Variants in SHH observed in about 807,000 individuals in gnomAD.
SHH encodes sonic hedgehog signaling molecule, also known as sonic hedgehog protein.
A neutral mutation model predicts 16.6 loss-of-function variants in SHH; 3 were observed. That is an observed-to-expected ratio of 0.18 (90% CI 0.08 to 0.47). The LOEUF is 0.47. SHH is among the 20% of genes least tolerant of loss of function. The pLI, the probability that SHH is intolerant of heterozygous loss-of-function variation, is 0.98. For synonymous variants in SHH, 351 were observed against 316.2 expected, an observed-to-expected ratio of 1.11 and a Z score of -1.17; for missense variants, 499 against 665.0, an observed-to-expected ratio of 0.75 and a Z score of 2.75.
chr7:155,812,318 C>T lies in SHH; in HGVS notation c.-196G>A. On this transcript the variant is annotated 5_prime_UTR_variant, in exon 1 of 3. Transcript: ENST00000297261. The stretch of plus-strand genomic sequence containing the variant: ...CCTTGCCCGCCGCGGCTGCGGGGGA[C>T]TCTCCACCGCTCCCCACCCAGACAG... 1 of 622,330 alleles carries T rather than the reference C, an allele frequency of 1.6e-6. No individual in the cohort carries two copies. Among genetic ancestry groups the T allele is most frequent in the Non-Finnish European group, 2.9e-6 (1 of 345,366 alleles). 38.6% of individuals were successfully genotyped at this position (622,330 alleles called of 1,614,324 possible).
At chr7:155,806,607 C>G (rs773114779) in intron 1 of SHH, 50 bp from the exon 2 acceptor site, 3 of 1,608,496 alleles carry the variant, frequency 1.9e-6, no homozygotes, top group Non-Finnish European at 2.5e-6. Flanking sequence ...CCTGGGCAAC[C>G]GCCACCCCTC....
Position 155,802,968 on chromosome 7 carries a change from G to C in SHH, c.1321C>G (p.Gln441Glu). The C allele has an allele frequency of 6.5e-7, 1 of 1,545,660 alleles. No homozygotes were observed. Among genetic ancestry groups the C allele is most frequent in the Non-Finnish European group, 8.7e-7 (1 of 1,145,224 alleles). ...GIHWYSQLLY[Q>E]IGTWLLDSEA... The stretch of plus-strand genomic sequence containing the variant: ...CTGTCCAGGAGCCAGGTGCCTATTT[G>C]GTAGAGCAGCTGCGAGTACCAGTGG... Residue 441 changes from glutamine to glutamate, a missense_variant, in exon 3 of 3, where the codon CAA becomes GAA. Physicochemically the swap from Gln to Glu is conservative, Grantham distance 29. Transcript: ENST00000297261.
In SHH at chr7:155,802,618, A is replaced by G; in HGVS notation, c.*282T>C. The G allele has an allele frequency of 3.2e-6, 1 of 309,992 alleles. No individual in the cohort carries two copies. Among genetic ancestry groups the G allele is most frequent in the Non-Finnish European group, 5.9e-6 (1 of 170,542 alleles). 19.2% of individuals were successfully genotyped at this position (309,992 alleles called of 1,614,324 possible). ...CCGGTTCATATTATTTAAAACATCT[A>G]TTCATACCAAACAAATAAATAGCCA... On this transcript the variant is annotated 3_prime_UTR_variant, in exon 3 of 3. Coordinates refer to ENST00000297261, the MANE Select transcript of SHH (RefSeq NM_000193.4).
rs762615770 is a variant in SHH at position 155,803,009 on chromosome 7, C to A, written c.1280G>T (p.Gly427Val). 3 of 1,539,534 alleles carry A rather than the reference C, an allele frequency of 1.9e-6. No homozygotes were observed. The highest frequency in any genetic ancestry group is 2.6e-6 in the Non-Finnish European group (3 of 1,143,202). Residue 427 changes from glycine (G) to valine (V), a missense_variant, in exon 3 of 3, where the codon GGG (glycine) becomes GTG (valine). Around this residue, in one of 4 missense-constraint regions of SHH, gnomAD observed 299 missense variants for 301.1 expected, o/e 0.99. Transcript: ENST00000297261. ...GTACCAGTGGATGCCCGCGGTGGCC[C>A]CCGCACCCGGAGCGTCGGCAGCACC... ...APGAADAPGA[G>V]ATAGIHWYSQ...
At chr7:155,804,034 C>T (rs952059771) in intron 2 of SHH, among the ~76,000 whole-genome samples, 4 of 152,236 alleles carry the variant, frequency 2.6e-5, no homozygotes, top group Admixed American at 1.3e-4. Flanking sequence ...TCCTCCAACC[C>T]CACCCCCAGC....
intron 2 of SHH, among the ~76,000 whole-genome samples, chr7:155,804,385 G>A (rs1164224127): frequency 1.3e-5 from 2 of 152,202 alleles, no homozygotes; most frequent in African/African-American, 4.8e-5. Flanking sequence ...TCCGAGGCTT[G>A]TGTGGATTTT....
rs1213815915 is a variant in SHH, at chr7:155,800,298, G to A, written c.*2602C>T. On this transcript the variant is annotated 3_prime_UTR_variant, in exon 3 of 3. Transcript: ENST00000297261. ...AGCAGTGGACGCATCTTAAGAAGAT[G>A]GACCAGGAGGGCTGGGGACAGCACC... 12 of 454,422 alleles carry A rather than the reference G, an allele frequency of 2.6e-5. No homozygotes were observed. The highest frequency in any genetic ancestry group is 4.5e-5 in the Non-Finnish European group (10 of 221,658). 28.1% of individuals were successfully genotyped at this position (454,422 alleles called of 1,614,324 possible).
rs1372471336 is a variant in SHH at position 155,802,889 on chromosome 7, G to A, written c.*11C>T. ...CGCCCCCTCCCGCGCCCCTCCCCCG[G>A]CCCCCCGGCTTCAGCTGGACTTGAC... On this transcript the variant is annotated 3_prime_UTR_variant, in exon 3 of 3. Transcript: ENST00000297261. 6 of 618,006 alleles carry A rather than the reference G, an allele frequency of 9.7e-6. No homozygotes were observed. Among genetic ancestry groups the A allele is most frequent in the East Asian group, 1.0e-4 (1 of 9,572 alleles). The allele number at this position is 618,006 out of a possible 1,614,324, so 38.3% of individuals were successfully genotyped here. A position where few individuals can be genotyped will look rare whatever the true frequency, so the allele number is the denominator to read the frequency against.
chr7:155,806,968 C>A (rs1331347375), intron 1 of SHH: 1 of 295,254 alleles, frequency 3.4e-6, no homozygotes. Context: ...TCTAGCCCCC[C>A]TTCTGGGGCC....
At position 155,807,064 on chromosome 7, in the gene SHH, A is replaced by G. The variant is rs769664258; in HGVS notation, c.301-507T>C. The G allele has an allele frequency of 5.5e-5, 12 of 219,546 alleles. No homozygotes were observed. The highest frequency in any genetic ancestry group is 1.0e-4 in the Non-Finnish European group (11 of 108,306). The allele number at this position is 219,546 out of a possible 1,614,324, so 13.6% of individuals were successfully genotyped here. Reference sequence around the variant, plus strand: ...GACAGAGACCTGGGCGCAAGTTCCCAGAAATAAAGAAAAATGCACTGCGCA... The same window carrying G: ...GACAGAGACCTGGGCGCAAGTTCCCGGAAATAAAGAAAAATGCACTGCGCA... On this transcript the variant is annotated intron_variant, in intron 1 of 2. Transcript: ENST00000297261. The surrounding 1 kb of genome is among the most constrained non-coding windows in gnomAD (Gnocchi z 7.1).
In SHH at chr7:155,806,316, A is replaced by C. The variant is rs1168154453; in HGVS notation, c.542T>G (p.Ile181Ser). ...DWVYYESKAH[I>S]HCSVKAENSV... ...CTTACCTGCTTTCACCGAGCAGTGG[A>C]TATGTGCCTTGGACTCGTAGTACAC... The change falls in exon 2 of 3, where the codon ATC becomes AGC. Residue 181 changes from isoleucine (I) to serine (S), a missense_variant. Physicochemically the swap from Ile to Ser is moderately radical, Grantham distance 142 (BLOSUM62 -2). Around this residue, in one of 4 missense-constraint regions of SHH, gnomAD observed 114 missense variants for 200.4 expected, o/e 0.57. Coordinates refer to ENST00000297261, the MANE Select transcript of SHH (RefSeq NM_000193.4). 1 of 1,613,250 alleles carries C rather than the reference A, an allele frequency of 6.2e-7. No individual in the cohort carries two copies. Among genetic ancestry groups the C allele is most frequent in the Non-Finnish European group, 8.5e-7 (1 of 1,180,036 alleles).
chr7:155,807,893 A>G lies in SHH; in HGVS notation c.301-1336T>C, dbSNP rs1268904713. Among the ~76,000 whole-genome samples the G allele has an allele frequency of 6.6e-6, 1 of 151,998 alleles. No homozygotes were observed. On this transcript the variant is annotated intron_variant, in intron 1 of 2. Coordinates refer to ENST00000297261, the MANE Select transcript of SHH (RefSeq NM_000193.4). The surrounding 1 kb of genome is among the most constrained non-coding windows in gnomAD (Gnocchi z 7.1). ...CTCTGCTTGGAGTCTGGTTGTCGCC[A>G]TGGAGGGACAGCTTCTATCCAGGGC... is the stretch of plus-strand genomic sequence containing the variant.
rs904514418 is a variant in SHH at position 155,802,136 on chromosome 7, T to G, written c.*764A>C. The G allele has an allele frequency of 6.7e-6, 1 of 150,266 alleles. No homozygotes were observed. The highest frequency in any genetic ancestry group is 2.5e-5 in the African/African-American group (1 of 40,802). 9.3% of individuals were successfully genotyped at this position (150,266 alleles called of 1,614,324 possible). The stretch of plus-strand genomic sequence containing the variant: ...GAAAAAGAAAAGTGTGTGTGTATGT[T>G]GTGTGTGTAACAGTCTTGGCTTCCA... On this transcript the variant is annotated 3_prime_UTR_variant, in exon 3 of 3. Transcript: ENST00000297261.
Position 155,800,555 on chromosome 7 carries a change from G to T in SHH, c.*2345C>A. On this transcript the variant is annotated 3_prime_UTR_variant, in exon 3 of 3. Transcript: ENST00000297261. ...CACAGCCAGAGGAGCTGCTGTGCCC[G>T]GTGCTTCTGGTTCGCTTTCGACTGA... is the stretch of plus-strand genomic sequence containing the variant. The T allele has an allele frequency of 2.1e-6, 1 of 470,752 alleles. No homozygotes were observed. The highest frequency in any genetic ancestry group is 1.5e-5 in the South Asian group (1 of 64,564). 29.2% of individuals were successfully genotyped at this position (470,752 alleles called of 1,614,324 possible). A position where few individuals can be genotyped will look rare whatever the true frequency, so the allele number is the denominator to read the frequency against.
At position 155,809,884 on chromosome 7, in the gene SHH, A is replaced by T. The variant is rs1203893605; in HGVS notation, c.300+1939T>A. 6.6e-6 allele frequency among the ~76,000 whole-genome samples: 1 copy of T among 151,346 alleles called. No homozygotes were observed. Among genetic ancestry groups the T allele is most frequent in the Non-Finnish European group, 1.5e-5 (1 of 67,720 alleles). ...CTCCGGCTGGGACGCGGAGGCCTAG[A>T]GGCCAGGCAGGCGGCGGACTGGGGA... On this transcript the variant is annotated intron_variant, in intron 1 of 2. Transcript: ENST00000297261. The surrounding 1 kb of genome is among the most constrained non-coding windows in gnomAD (Gnocchi z 6.1).
rs1411643121 is a variant in SHH at position 155,803,730 on chromosome 7, C to A, written c.563-4G>T. ...GATTTGGCCGCCACCGAGTTCTCTG[C>A]GGGTGAGGAGAAGGGAAAGAAGAGA... is the stretch of plus-strand genomic sequence containing the variant. On this transcript the variant is annotated splice_polypyrimidine_tract_variant and splice_region_variant and intron_variant, in intron 2 of 2. Transcript: ENST00000297261. 2.5e-6 allele frequency: 4 copies of A among 1,594,770 alleles called. No individual in the cohort carries two copies. In the South Asian group the frequency reaches 3.3e-5, roughly 13 times the overall value.
At position 155,800,075 on chromosome 7, in the gene SHH, T is replaced by C; in HGVS notation, c.*2825A>G. 8.5e-6 allele frequency: 4 copies of C among 471,704 alleles called. No individual in the cohort carries two copies. The highest frequency in any genetic ancestry group is 6.2e-5 in the South Asian group (4 of 64,572). The allele number at this position is 471,704 out of a possible 1,614,324, so 29.2% of individuals were successfully genotyped here. A position where few individuals can be genotyped will look rare whatever the true frequency, so the allele number is the denominator to read the frequency against. The stretch of plus-strand genomic sequence containing the variant: ...ATACACGTTTTGACAGGAATAGATA[T>C]GCATTTAGTCATGAGGGAGGCTGGC... On this transcript the variant is annotated 3_prime_UTR_variant, in exon 3 of 3. Coordinates refer to ENST00000297261, the MANE Select transcript of SHH (RefSeq NM_000193.4).
rs1223316650 is a variant in SHH, at chr7:155,806,456, G to C, written c.402C>G (p.His134Gln). 6.2e-7 allele frequency: 1 copy of C among 1,613,866 alleles called. No homozygotes were observed. Among genetic ancestry groups the C allele is most frequent in the Non-Finnish European group, 8.5e-7 (1 of 1,180,036 alleles). The change falls in exon 2 of 3, where the codon CAC becomes CAG. Residue 134 changes from histidine to glutamine, a missense_variant. His to Gln is a conservative substitution (Grantham distance 24, BLOSUM62 0). This residue lies in a region of SHH where 114 missense variants were observed against 200.4 expected (regional missense o/e 0.57). Coordinates refer to ENST00000297261, the MANE Select transcript of SHH (RefSeq NM_000193.4). Reference sequence around the variant, plus strand: ...CCTCGTAGTGCAGAGACTCCTCTGAGTGGTGGCCATCTTCGTCCCAGCCCT... The same window carrying C: ...CCTCGTAGTGCAGAGACTCCTCTGACTGGTGGCCATCTTCGTCCCAGCCCT... ...VTEGWDEDGH[H>Q]SEESLHYEGR... is the part of the protein sequence containing the mutation.
intron 2 of SHH, among the ~76,000 whole-genome samples, chr7:155,804,981 C>A (rs891568369): frequency 4.6e-5 from 7 of 152,246 alleles, no homozygotes; most frequent in African/African-American, 1.7e-4. Flanking sequence ...CGACCCCGGG[C>A]GCTGGCGAGC....
Sources: allele counts gnomAD v4.1 joint callset (sites outside exome capture counted in the v4.1 genomes callset), GRCh38; gene constraint gnomAD v4.1.1; regional missense constraint gnomAD v4.1.1; non-coding constraint Gnocchi (gnomAD v3.1); transcripts MANE v1.5; gene names NCBI Gene and HGNC (gene_info 2026-07-23, HGNC 2026-07-21).